The following ANKS1B variants were observed in gnomAD, a reference collection of about 807,000 sequenced individuals.
ANKS1B encodes the protein ankyrin repeat and sterile alpha motif domain containing 1B.
ANKS1B carries 36 observed loss-of-function variants against 148.3 expected under a neutral mutation model. The observed-to-expected ratio is 0.24, with a 90% CI of 0.19 to 0.32. The LOEUF is 0.32. Ranked by LOEUF, ANKS1B falls within the 10% of genes least tolerant of loss-of-function variation. ANKS1B has a pLI of 1.00. For missense variants in ANKS1B, 1,157 were observed against 1,542.6 expected (o/e 0.75, Z 4.19); for synonymous variants, 542 against 560.8 (o/e 0.97, Z 0.47).
rs6144833 is a variant in ANKS1B, at chr12:99,888,969, A to AACACACACACACACACAC, written c.135-63598_135-63581dup. 7.5e-3 allele frequency among the ~76,000 whole-genome samples: 1,105 copies of AACACACACACACACACAC among 147,258 alleles called. 12 individuals are homozygous for AACACACACACACACACAC. Among genetic ancestry groups the AACACACACACACACACAC allele is most frequent in the African/African-American group, 0.022 (876 of 39,580 alleles). On this transcript the variant is annotated intron_variant, in intron 1 of 26. Coordinates refer to ENST00000683438, the MANE Select transcript of ANKS1B (RefSeq NM_001352186.2). ...TGGAAAAATGGCTCACCTTCGCCAA[A>AACACACACACACACACAC]ACACACACACACACACACACACACA...
At chr12:99,320,203 G>C (rs544905893) in intron 12 of ANKS1B, among the ~76,000 whole-genome samples, 2 of 152,166 alleles carry the variant, frequency 1.3e-5, no homozygotes, top group Non-Finnish European at 2.9e-5. Context: ...TATCTTTGTG[G>C]CATTCTCTGT....
At chr12:99,471,281 G>A (rs1175517727) in intron 10 of ANKS1B, among the ~76,000 whole-genome samples, 1 of 151,316 alleles carries the variant, frequency 6.6e-6, no homozygotes, top group Non-Finnish European at 1.5e-5. Context: ...CATTTTTGTT[G>A]TTGTTAACAA....
chr12:99,489,132 C>T (rs1293630185), intron 10 of ANKS1B, among the ~76,000 whole-genome samples: 1 of 151,650 alleles, frequency 6.6e-6, no homozygotes, highest in African/African-American at 2.4e-5. Flanking sequence ...ATCCCAGCTA[C>T]TCAGGAGGCT....
At chr12:99,710,785 A>G (rs1198981790) in intron 8 of ANKS1B, among the ~76,000 whole-genome samples, 1 of 152,126 alleles carries the variant, frequency 6.6e-6, no homozygotes, top group Non-Finnish European at 1.5e-5. Context: ...TTAGACCTAT[A>G]TAGACCCAAA....
At chr12:99,746,874 A>G (rs1278104514) in intron 8 of ANKS1B, among the ~76,000 whole-genome samples, 1 of 152,150 alleles carries the variant, frequency 6.6e-6, no homozygotes, top group African/African-American at 2.4e-5. Flanking sequence ...AACACATTCA[A>G]GCAGTTTTTT....
intron 19 of ANKS1B, among the ~76,000 whole-genome samples, chr12:98,808,944 G>A (rs368121683): frequency 6.6e-5 from 10 of 152,154 alleles, no homozygotes; most frequent in South Asian, 2.1e-4. Flanking sequence ...TAAGAGGCCC[G>A]GCAAAGAACT....
chr12:99,675,056 A>G (rs2098555927), intron 8 of ANKS1B, among the ~76,000 whole-genome samples: 1 of 151,964 alleles, frequency 6.6e-6, no homozygotes, highest in African/African-American at 2.4e-5. Context: ...TAGCAAGGAG[A>G]TAACATGTTT....
At chr12:99,594,309 A>G (rs1341518307) in intron 9 of ANKS1B, among the ~76,000 whole-genome samples, 1 of 152,148 alleles carries the variant, frequency 6.6e-6, no homozygotes, top group East Asian at 1.9e-4. Context: ...AATTTCCTCA[A>G]AAAACTAAAA....
At chr12:99,730,055 G>A (rs1439179124) in intron 8 of ANKS1B, among the ~76,000 whole-genome samples, 2 of 152,180 alleles carry the variant, frequency 1.3e-5, no homozygotes, top group African/African-American at 2.4e-5. Context: ...GTTTTGGCAG[G>A]ACTCTTTTTG....
At chr12:98,869,118 C>A (rs2099640327) in intron 17 of ANKS1B, among the ~76,000 whole-genome samples, 2 of 152,158 alleles carry the variant, frequency 1.3e-5, no homozygotes, top group South Asian at 2.1e-4. Flanking sequence ...CTTGCACACC[C>A]CCGCCTTGTC....
chr12:99,058,396 A>T (rs1436386606), intron 16 of ANKS1B, among the ~76,000 whole-genome samples: 1 of 151,868 alleles, frequency 6.6e-6, no homozygotes, highest in Non-Finnish European at 1.5e-5. Context: ...GGTGTGCACC[A>T]CTACACCCGG....
chr12:99,673,199 G>A lies in ANKS1B; in HGVS notation c.1129-17989C>T, dbSNP rs183008295. Among the ~76,000 whole-genome samples the A allele has an allele frequency of 1.7e-4, 26 of 152,032 alleles. No individual in the cohort carries two copies. In the East Asian group the frequency reaches 4.8e-3, roughly 28 times the overall value. ...AACTTTCCAGAATCAAGAAAGATGA[G>A]GTATACAACAAATGCCTGGAAGAAC... On this transcript the variant is annotated intron_variant, in intron 8 of 26. Coordinates refer to ENST00000683438, the MANE Select transcript of ANKS1B (RefSeq NM_001352186.2).
At chr12:99,145,532 A>G (rs1385182901) in intron 15 of ANKS1B, among the ~76,000 whole-genome samples, 2 of 152,066 alleles carry the variant, frequency 1.3e-5, no homozygotes, top group East Asian at 3.9e-4. Flanking sequence ...AACTGTAAAC[A>G]AAAGTGAATG....
chr12:99,480,728 A>G (rs576629710), intron 10 of ANKS1B, among the ~76,000 whole-genome samples: 1 of 151,972 alleles, frequency 6.6e-6, no homozygotes, highest in African/African-American at 2.4e-5. Flanking sequence ...TTTGTATTCA[A>G]TGAACAGTTG....
intron 11 of ANKS1B, among the ~76,000 whole-genome samples, chr12:99,429,913 A>C (rs954182135): frequency 6.6e-6 from 1 of 152,044 alleles, no homozygotes; most frequent in Admixed American, 6.6e-5. Flanking sequence ...GCAGTGAGCC[A>C]AGATCGTGTC....
chr12:99,565,253 C>T (rs2097376471), intron 9 of ANKS1B, among the ~76,000 whole-genome samples: 1 of 152,114 alleles, frequency 6.6e-6, no homozygotes, highest in African/African-American at 2.4e-5. Flanking sequence ...TATAGATGAG[C>T]TCCAAGTCTA....
chr12:99,617,528 A>C (rs1254481109), intron 9 of ANKS1B, among the ~76,000 whole-genome samples: 2 of 152,138 alleles, frequency 1.3e-5, no homozygotes, highest in African/African-American at 4.8e-5. Flanking sequence ...CAGCAAACTA[A>C]CACAGGAACA....
At chr12:98,824,645 C>A (rs2153672950) in intron 19 of ANKS1B, among the ~76,000 whole-genome samples, 1 of 152,252 alleles carries the variant, frequency 6.6e-6, no homozygotes, top group African/African-American at 2.4e-5. Flanking sequence ...AGAAAGAAAC[C>A]AAATCAGAAT....
intron 2 of ANKS1B, among the ~76,000 whole-genome samples, chr12:99,812,536 CACACACACACACACACACACACAGAG>C (rs1467471474): frequency 6.3e-5 from 6 of 94,912 alleles, no homozygotes; most frequent in African/African-American, 9.3e-5. Flanking sequence ...CACACACACA[CACACACACACACACACACACACAGAG>C]AGAGAGAGAG....
Sources: gnomAD v4.1 joint callset for allele counts (sites outside exome capture counted in the v4.1 genomes callset) on GRCh38, gnomAD v4.1.1 for gene constraint, MANE v1.5 for transcripts, NCBI Gene and HGNC (gene_info 2026-07-23, HGNC 2026-07-21) for gene names.